The following USP8 variants were observed in gnomAD, a reference collection of about 807,000 sequenced individuals.
USP8 encodes ubiquitin carboxyl-terminal hydrolase 8.
In USP8, 27 loss-of-function variants were observed where a neutral mutation model predicts 130.0. The ratio of observed to expected loss-of-function variants is 0.21; its 90% CI spans 0.15 to 0.29. USP8 has a LOEUF of 0.29. Ranked by LOEUF, USP8 falls within the 10% of genes least tolerant of loss-of-function variation. The pLI is 1.00. For synonymous variants in USP8, 392 were observed against 444.1 expected, an observed-to-expected ratio of 0.88 and a Z score of 1.48; for missense variants, 1,029 against 1,312.2, an observed-to-expected ratio of 0.78 and a Z score of 3.33.
intron 1 of USP8, chr15:50,424,757 T>C (rs1456595518): frequency 2.8e-6 from 1 of 351,360 alleles, no homozygotes; most frequent in Non-Finnish European, 5.1e-6. Context: ...TTTTAAAAGG[T>C]GGCTTTGACC....
In USP8 at chr15:50,497,306, G is replaced by C. The variant is rs942654387; in HGVS notation, c.3038+75G>C. The C allele has an allele frequency of 8.0e-6, 12 of 1,507,402 alleles. No individual in the cohort carries two copies. In the Admixed American group the frequency reaches 1.4e-4, roughly 18 times the overall value. The allele number at this position is 1,507,402 out of a possible 1,614,324, so 93.4% of individuals were successfully genotyped here. A position where few individuals can be genotyped will look rare whatever the true frequency, so the allele number is the denominator to read the frequency against. On this transcript the variant is annotated intron_variant, in intron 18 of 19. Coordinates refer to ENST00000307179, the MANE Select transcript of USP8 (RefSeq NM_005154.5). ...TTTAAGTTCTGTGTAATTTATACTT[G>C]TTGTACTGCCTGCCATGGGCACATA... is the stretch of plus-strand genomic sequence containing the variant.
intron 10 of USP8, among the ~76,000 whole-genome samples, chr15:50,478,269 A>G (rs2051639679): frequency 6.6e-6 from 1 of 152,240 alleles, no homozygotes; most frequent in Non-Finnish European, 1.5e-5. Context: ...TAATCATGTA[A>G]AAGTTTTTAA....
intron 15 of USP8, chr15:50,493,301 G>C: frequency 1.9e-6 from 1 of 519,224 alleles, no homozygotes; most frequent in Non-Finnish European, 3.8e-6. Context: ...CGTGAATCTG[G>C]TGGTAACCTA....
chr15:50,429,820 A>T (rs547091443), intron 1 of USP8, among the ~76,000 whole-genome samples: 10 of 152,314 alleles, frequency 6.6e-5, no homozygotes, highest in African/African-American at 2.4e-4. Context: ...GGGATTGAGA[A>T]CTATGTTTTT....
intron 1 of USP8, among the ~76,000 whole-genome samples, chr15:50,429,600 C>G (rs1021545451): frequency 6.6e-6 from 1 of 152,048 alleles, no homozygotes; most frequent in Non-Finnish European, 1.5e-5. Flanking sequence ...CTTTGGGAGA[C>G]CTAGGCAGGA....
At chr15:50,464,985 T>G in intron 6 of USP8, 62 bp from the exon 7 acceptor site, 1 of 1,584,272 alleles carries the variant, frequency 6.3e-7, no homozygotes, top group South Asian at 1.2e-5. Context: ...GTCCTGTGTT[T>G]TGTGATGTCA....
chr15:50,434,574 T>C (rs2050039437), intron 1 of USP8, among the ~76,000 whole-genome samples: 1 of 152,172 alleles, frequency 6.6e-6, no homozygotes, highest in Non-Finnish European at 1.5e-5. Context: ...TAGTTATTTT[T>C]TTTTTCCACT....
intron 12 of USP8, among the ~76,000 whole-genome samples, chr15:50,487,478 A>C (rs1026335600): frequency 2.0e-5 from 3 of 152,210 alleles, no homozygotes; most frequent in Admixed American, 6.5e-5. Context: ...AGTGAAGACT[A>C]AAAAATAGAA....
intron 7 of USP8, chr15:50,466,984 T>A (rs1411540636): frequency 2.0e-6 from 1 of 498,874 alleles, no homozygotes; most frequent in East Asian, 3.5e-5. Context: ...CATTTCCATA[T>A]GAGAATCCAC....
chr15:50,489,089 TATTA>T (rs1318693212), intron 12 of USP8, among the ~76,000 whole-genome samples: 2 of 152,198 alleles, frequency 1.3e-5, no homozygotes, highest in Non-Finnish European at 2.9e-5. Context: ...TTTTGTTTTC[TATTA>T]ATTTTTTAAA....
At position 50,495,954 on chromosome 15, in the gene USP8, T is replaced by A; in HGVS notation, c.2765T>A (p.Ile922Asn). 6.2e-7 allele frequency: 1 copy of A among 1,613,902 alleles called. No individual in the cohort carries two copies. Among genetic ancestry groups the A allele is most frequent in the Middle Eastern group, 1.7e-4 (1 of 5,894 alleles). ...CACAAGCAGCTCAATGAGTCTATTA[T>A]TGTTGCACTTTTTCAGGGTCAATTC... The part of the protein sequence containing the change: ...QKHKQLNESI[I>N]VALFQGQFKS... The change falls in exon 17 of 20, where the codon ATT becomes AAT. Residue 922 changes from isoleucine to asparagine, a missense_variant. By Grantham distance (149) the Ile-to-Asn change is moderately radical (BLOSUM62 -3). This residue lies in a region of USP8 where 257 missense variants were observed against 429.8 expected (regional missense o/e 0.60). Coordinates refer to ENST00000307179, the MANE Select transcript of USP8 (RefSeq NM_005154.5).
At chr15:50,433,475 C>T (rs933908070) in intron 1 of USP8, among the ~76,000 whole-genome samples, 1 of 152,120 alleles carries the variant, frequency 6.6e-6, no homozygotes, top group Non-Finnish European at 1.5e-5. Context: ...AAAATCAGGA[C>T]CAGTTTGAAT....
intron 2 of USP8, among the ~76,000 whole-genome samples, chr15:50,439,434 T>C (rs2050178313): frequency 6.6e-6 from 1 of 152,130 alleles, no homozygotes; most frequent in Non-Finnish European, 1.5e-5. Context: ...GCAAAGATTA[T>C]GAGGCTTCTA....
chr15:50,441,509 G>C lies in USP8; in HGVS notation c.249+16G>C, dbSNP rs771457522. ...GCAACAGCAGGTACCTTTTATTTTTGCATTGTTATTTCCTAAGTTATTTTG... is the reference window on the plus strand; with the variant it reads ...GCAACAGCAGGTACCTTTTATTTTTCCATTGTTATTTCCTAAGTTATTTTG... On this transcript the variant is annotated intron_variant, in intron 3 of 19. Coordinates refer to ENST00000307179, the MANE Select transcript of USP8 (RefSeq NM_005154.5). The C allele has an allele frequency of 6.5e-7, 1 of 1,536,640 alleles. No homozygotes were observed. The highest frequency in any genetic ancestry group is 1.3e-5 in the South Asian group (1 of 78,846).
At position 50,494,238 on chromosome 15, in the gene USP8, G is replaced by A; in HGVS notation, c.2616G>A (p.Leu872=). 1 of 1,612,490 alleles carries A rather than the reference G, an allele frequency of 6.2e-7. No homozygotes were observed. The change falls in exon 16 of 20, where the codon TTG becomes TTA. Residue 872 remains leucine (L), a synonymous_variant. Coordinates refer to ENST00000307179, the MANE Select transcript of USP8 (RefSeq NM_005154.5). ...AGYSQQDSQE[L]LLFLMDGLHE... ...ACAGTCAGCAAGATTCACAAGAATTGCTTCTGTTCCTAATGGATGGTCTCC... is the reference window on the plus strand; with the variant it reads ...ACAGTCAGCAAGATTCACAAGAATTACTTCTGTTCCTAATGGATGGTCTCC...
At chr15:50,485,858 T>A (rs576483423) in intron 12 of USP8, among the ~76,000 whole-genome samples, 1 of 152,230 alleles carries the variant, frequency 6.6e-6, no homozygotes, top group South Asian at 2.1e-4. Context: ...CCTATACACA[T>A]CCTCCTATAT....
At chr15:50,444,943 A>G (rs1223566945) in intron 3 of USP8, among the ~76,000 whole-genome samples, 2 of 151,986 alleles carry the variant, frequency 1.3e-5, no homozygotes, top group African/African-American at 4.8e-5. Context: ...TTTTTAGTGG[A>G]AACGAGGTCT....
At chr15:50,463,599 T>G (rs2051085280) in intron 6 of USP8, 1 of 152,246 alleles carries the variant, frequency 6.6e-6, no homozygotes, top group South Asian at 2.1e-4. Context: ...ATTCCAAGAT[T>G]AGTTTTTATG....
chr15:50,469,708 G>C (rs1193147420), intron 7 of USP8, among the ~76,000 whole-genome samples: 1 of 152,024 alleles, frequency 6.6e-6, no homozygotes, highest in Non-Finnish European at 1.5e-5. Context: ...GGCCCAGCTT[G>C]CCAGTATCAT....
Sources: allele counts gnomAD v4.1 joint callset (sites outside exome capture counted in the v4.1 genomes callset), GRCh38; gene constraint gnomAD v4.1.1; regional missense constraint gnomAD v4.1.1; transcripts MANE v1.5; gene names NCBI Gene and HGNC (gene_info 2026-07-23, HGNC 2026-07-21).